PSMA1: variants seen among roughly 807,000 people sequenced by gnomAD.
PSMA1 encodes proteasome 20S subunit alpha 1.
A neutral mutation model predicts 38.4 loss-of-function variants in PSMA1; 3 were observed. The ratio of observed to expected loss-of-function variants is 0.08; its 90% CI spans 0.04 to 0.20. PSMA1 has a LOEUF of 0.20. Ranked by LOEUF, PSMA1 falls within the 10% of genes least tolerant of loss-of-function variation. The probability of loss-of-function intolerance (pLI) is 1.00; values close to 1 mark genes in which losing one functional copy is unlikely to be tolerated. For missense variants in PSMA1, 227 were observed against 325.3 expected (o/e 0.70, Z 2.32); for synonymous variants, 101 against 107.1 (o/e 0.94, Z 0.35).
chr11:14,533,651 C>T (rs1323888548), intron 2 of PSMA1, among the ~76,000 whole-genome samples: 1 of 150,852 alleles, frequency 6.6e-6, no homozygotes, highest in East Asian at 2.0e-4. Context: ...CTCCTGGGCT[C>T]GAGCCATCTA....
chr11:14,556,652 CT>C (rs531100992), intron 2 of PSMA1, among the ~76,000 whole-genome samples: 25 of 152,234 alleles, frequency 1.6e-4, no homozygotes, highest in Admixed American at 4.6e-4. Flanking sequence ...TCCACTTTCT[CT>C]GCTTACTCTT....
At chr11:14,631,048 TTCTC>T (rs1253834341) in intron 1 of PSMA1, among the ~76,000 whole-genome samples, 1 of 152,166 alleles carries the variant, frequency 6.6e-6, no homozygotes, top group Admixed American at 6.5e-5. Context: ...TATTTGATTC[TTCTC>T]TCTTTTTTTC....
intron 2 of PSMA1, among the ~76,000 whole-genome samples, chr11:14,541,627 G>A (rs1851774060): frequency 6.6e-6 from 1 of 152,190 alleles, no homozygotes; most frequent in African/African-American, 2.4e-5. Context: ...CCACATTCTT[G>A]ATACCTTTTG....
intron 2 of PSMA1, among the ~76,000 whole-genome samples, chr11:14,589,398 T>G (rs1387703961): frequency 1.3e-5 from 2 of 149,354 alleles, no homozygotes; most frequent in South Asian, 4.2e-4. Flanking sequence ...TATATGTGTG[T>G]GTATATATAT....
Position 14,513,679 on chromosome 11 carries a change from G to A in PSMA1, c.435C>T (p.Phe145=), listed in dbSNP as rs1360969427. ...AATAGTTAGCAGATGGACAGGTTTGGAAAATGTGAGGGCCCATATCCTACA... is the reference window on the plus strand; with the variant it reads ...AATAGTTAGCAGATGGACAGGTTTGAAAAATGTGAGGGCCCATATCCTACA... ...AGYDDMGPHI[F]QTCPSANYFD... The change falls in exon 7 of 10, where the codon TTC becomes TTT. Residue 145 remains phenylalanine (F), a synonymous_variant. Transcript: ENST00000396394. 1.9e-6 allele frequency: 3 copies of A among 1,588,254 alleles called. No individual in the cohort carries two copies. The highest frequency in any genetic ancestry group is 1.7e-6 in the Non-Finnish European group (2 of 1,171,790).
At chr11:14,588,071 T>A (rs1185787601) in intron 2 of PSMA1, among the ~76,000 whole-genome samples, 1 of 152,220 alleles carries the variant, frequency 6.6e-6, no homozygotes, top group Non-Finnish European at 1.5e-5. Context: ...GTAAGAGATG[T>A]GACAACAACT....
At chr11:14,506,253 C>T (rs1287968265) in intron 9 of PSMA1, among the ~76,000 whole-genome samples, 1 of 152,180 alleles carries the variant, frequency 6.6e-6, no homozygotes, top group Non-Finnish European at 1.5e-5. Flanking sequence ...TTTTATCGTA[C>T]TTTGCATTGC....
chr11:14,559,231 C>A (rs1422881606), intron 2 of PSMA1, among the ~76,000 whole-genome samples: 1 of 152,096 alleles, frequency 6.6e-6, no homozygotes, highest in African/African-American at 2.4e-5. Flanking sequence ...AGGTGTAAAT[C>A]ACGAATACAA....
At chr11:14,592,331 G>C (rs562705016) in intron 2 of PSMA1, among the ~76,000 whole-genome samples, 2 of 150,202 alleles carry the variant, frequency 1.3e-5, no homozygotes, top group Admixed American at 1.3e-4. Context: ...CAGCCTCATC[G>C]ACCCCGTCTC....
At chr11:14,630,376 G>A (rs925580561) in intron 1 of PSMA1, among the ~76,000 whole-genome samples, 3 of 152,126 alleles carry the variant, frequency 2.0e-5, no homozygotes, top group Non-Finnish European at 2.9e-5. Flanking sequence ...TAGCATGAAG[G>A]GTTGTTGAAT....
chr11:14,573,464 C>A (rs192240457), intron 2 of PSMA1, among the ~76,000 whole-genome samples: 43 of 152,252 alleles, frequency 2.8e-4, no homozygotes, highest in East Asian at 1.3e-3. Flanking sequence ...ATTCAACAGG[C>A]CTTCATGCTA....
intron 2 of PSMA1, among the ~76,000 whole-genome samples, chr11:14,604,495 C>A (rs1471368159): frequency 6.6e-6 from 1 of 152,058 alleles, no homozygotes; most frequent in Non-Finnish European, 1.5e-5. Flanking sequence ...TTGTAATATG[C>A]TAGAGGTCAC....
chr11:14,507,126 C>T (rs1851256294), intron 9 of PSMA1, among the ~76,000 whole-genome samples: 1 of 152,002 alleles, frequency 6.6e-6, no homozygotes, highest in African/African-American at 2.4e-5. Context: ...TAGCTTATTA[C>T]CTAGCAATAG....
chr11:14,597,381 T>C (rs1852510829), intron 2 of PSMA1, among the ~76,000 whole-genome samples: 1 of 152,186 alleles, frequency 6.6e-6, no homozygotes, highest in East Asian at 1.9e-4. Flanking sequence ...TCCTGGACTT[T>C]TTTTGGTTGG....
intron 1 of PSMA1, among the ~76,000 whole-genome samples, chr11:14,614,331 T>C (rs1286418191): frequency 1.3e-5 from 2 of 152,096 alleles, no homozygotes; most frequent in Non-Finnish European, 1.5e-5. Flanking sequence ...CATTATATGA[T>C]GAGTAACATT....
chr11:14,512,064 C>T (rs1851353281), intron 7 of PSMA1, among the ~76,000 whole-genome samples: 1 of 152,118 alleles, frequency 6.6e-6, no homozygotes, highest in African/African-American at 2.4e-5. Context: ...CTGAAAACTA[C>T]AAAACATCAG....
chr11:14,629,057 C>CTACAA (rs1837475055), intron 1 of PSMA1, among the ~76,000 whole-genome samples: 1 of 151,422 alleles, frequency 6.6e-6, no homozygotes, highest in Non-Finnish European at 1.5e-5. Context: ...ATTGTAGATT[C>CTACAA]TGGATATTAG....
intron 1 of PSMA1, among the ~76,000 whole-genome samples, chr11:14,642,838 T>G (rs1407431879): frequency 6.6e-6 from 1 of 152,184 alleles, no homozygotes; most frequent in Non-Finnish European, 1.5e-5. Context: ...AGATAGCATC[T>G]TATTCGGCTT....
intron 8 of PSMA1, 24 bp from the exon 9 acceptor site, chr11:14,507,790 G>A: frequency 7.0e-7 from 1 of 1,427,808 alleles, no homozygotes; most frequent in Non-Finnish European, 9.8e-7. Context: ...TATGGTAAAA[G>A]TAAAATAAGA....
Sources: gnomAD v4.1 joint callset for allele counts (sites outside exome capture counted in the v4.1 genomes callset) on GRCh38, gnomAD v4.1.1 for gene constraint, MANE v1.5 for transcripts, NCBI Gene and HGNC (gene_info 2026-07-23, HGNC 2026-07-21) for gene names.